MYRIP: variants seen among roughly 807,000 people sequenced by gnomAD.
MYRIP encodes the protein rab effector MyRIP.
Under a neutral mutation model 98.0 loss-of-function variants are expected in MYRIP, and 49 were observed. The observed-to-expected ratio is 0.50, with a 90% confidence interval of 0.40 to 0.63. The LOEUF is 0.63. Ranked by LOEUF, MYRIP falls within the 30% of genes least tolerant of loss-of-function variation. The pLI is 0.00. For missense variants in MYRIP, 1,004 were observed against 1,058.2 expected (o/e 0.95, Z 0.71); for synonymous variants, 404 against 409.5 (o/e 0.99, Z 0.16).
At chr3:39,941,078 A>G (rs1479820840) in intron 2 of MYRIP, among the ~76,000 whole-genome samples, 1 of 152,114 alleles carries the variant, frequency 6.6e-6, no homozygotes, top group Non-Finnish European at 1.5e-5. Flanking sequence ...GGGTCACTAT[A>G]TGTGTATGTG....
chr3:40,089,844 C>T (rs1225252260), intron 3 of MYRIP, among the ~76,000 whole-genome samples: 1 of 152,014 alleles, frequency 6.6e-6, no homozygotes, highest in African/African-American at 2.4e-5. Flanking sequence ...TTTTCTTCTC[C>T]AAAATTACGT....
In MYRIP at chr3:40,039,459, A is replaced by G. The variant is rs75458731; in HGVS notation, c.111-4591A>G. 3.5e-3 allele frequency among the ~76,000 whole-genome samples: 527 copies of G among 152,256 alleles called. 2 individuals are homozygous for G. Among genetic ancestry groups the G allele is most frequent in the African/African-American group, 0.012 (506 of 41,560 alleles). On this transcript the variant is annotated intron_variant, in intron 2 of 16. Coordinates refer to ENST00000302541, the MANE Select transcript of MYRIP (RefSeq NM_015460.4). ...GAGAATATTTCAAGAATGTAAGAAT[A>G]ATCAGGTAAGACAAGGCCTAGAAAG... is the stretch of plus-strand genomic sequence containing the variant.
chr3:40,167,268 G>C (rs754005427), intron 7 of MYRIP, 29 bp downstream of exon 7: 1 of 1,605,260 alleles, frequency 6.2e-7, no homozygotes, highest in Non-Finnish European at 8.5e-7. Flanking sequence ...TGGGATGGCT[G>C]CAGTTTCCTG....
intron 1 of MYRIP, among the ~76,000 whole-genome samples, chr3:39,823,689 T>A (rs1481426989): frequency 2.6e-5 from 4 of 152,180 alleles, no homozygotes; most frequent in South Asian, 2.1e-4. Context: ...TGCCTTCTTT[T>A]TAATGGGATT....
At position 39,875,910 on chromosome 3, in the gene MYRIP, C is replaced by T. The variant is rs530446304; in HGVS notation, c.-30-24877C>T. On this transcript the variant is annotated intron_variant, in intron 1 of 16. Transcript: ENST00000302541. Reference sequence around the variant, plus strand: ...CTGGGTATCCTTGTTGACTTTCTGTCTTGTTGATCTGTCTAATGTTGACAG... The same window carrying T: ...CTGGGTATCCTTGTTGACTTTCTGTTTTGTTGATCTGTCTAATGTTGACAG... Among the ~76,000 whole-genome samples, 13 of 152,054 alleles carry T rather than the reference C, an allele frequency of 8.5e-5. 1 individual carries two copies. In the South Asian group the frequency reaches 2.7e-3, roughly 32 times the overall value.
chr3:40,200,587 T>C (rs1372086283), intron 10 of MYRIP, among the ~76,000 whole-genome samples: 4 of 152,210 alleles, frequency 2.6e-5, no homozygotes, highest in African/African-American at 9.6e-5. Context: ...TTTAGGTAGA[T>C]ATTAAATAGC....
intron 3 of MYRIP, among the ~76,000 whole-genome samples, chr3:40,077,026 C>T (rs1363262629): frequency 2.0e-5 from 3 of 152,080 alleles, no homozygotes; most frequent in African/African-American, 2.4e-5. Context: ...AGAATGAAGC[C>T]GTGGACCCTT....
rs1953693987 is a variant in MYRIP at position 40,259,172 on chromosome 3, A to C, written c.*1006A>C. The C allele has an allele frequency of 6.6e-6, 1 of 152,248 alleles. No individual in the cohort carries two copies. Among genetic ancestry groups the C allele is most frequent in the African/African-American group, 2.4e-5 (1 of 41,468 alleles). 9.4% of individuals were successfully genotyped at this position (152,248 alleles called of 1,614,324 possible). A position where few individuals can be genotyped will look rare whatever the true frequency, so the allele number is the denominator to read the frequency against. ...CTTAGAAAATTTATAGGTATAAAAAATTCAAGGACAAACTGTGCATTTAAT... is the reference window on the plus strand; with the variant it reads ...CTTAGAAAATTTATAGGTATAAAAACTTCAAGGACAAACTGTGCATTTAAT... On this transcript the variant is annotated 3_prime_UTR_variant, in exon 17 of 17. Coordinates refer to ENST00000302541, the MANE Select transcript of MYRIP (RefSeq NM_015460.4).
intron 8 of MYRIP, among the ~76,000 whole-genome samples, chr3:40,181,612 C>G (rs755955317): frequency 3.3e-5 from 5 of 152,096 alleles, no homozygotes; most frequent in Non-Finnish European, 7.4e-5. Context: ...TAGTCTCTTT[C>G]TATTTGATAA....
intron 8 of MYRIP, among the ~76,000 whole-genome samples, chr3:40,180,090 G>A (rs757973955): frequency 5.3e-5 from 8 of 152,124 alleles, no homozygotes; most frequent in Non-Finnish European, 1.0e-4. Flanking sequence ...CTGGACACTC[G>A]AGACAGGGTC....
Position 40,237,477 on chromosome 3 carries a change from C to G in MYRIP, c.2100+3424C>G, listed in dbSNP as rs547585741. ...CAAATATTAGGCGTTTGGGGCAGGG[C>G]AAAATCACCCCCAGACTGGGAATGA... On this transcript the variant is annotated intron_variant, in intron 12 of 16. Transcript: ENST00000302541. Among the ~76,000 whole-genome samples, 354 of 152,258 alleles carry G rather than the reference C, an allele frequency of 2.3e-3. 1 individual carries two copies. Among genetic ancestry groups the G allele is most frequent in the African/African-American group, 6.7e-3 (277 of 41,552 alleles).
intron 3 of MYRIP, among the ~76,000 whole-genome samples, chr3:40,103,914 C>T (rs1032611657): frequency 6.6e-6 from 1 of 152,082 alleles, no homozygotes; most frequent in African/African-American, 2.4e-5. Context: ...AAAAAAATTT[C>T]TAGAATGTTG....
intron 2 of MYRIP, among the ~76,000 whole-genome samples, chr3:39,970,569 A>C (rs1480502972): frequency 2.0e-5 from 3 of 152,162 alleles, no homozygotes; most frequent in Non-Finnish European, 4.4e-5. Context: ...TTTGCCAGAC[A>C]TAAAAACAAA....
chr3:39,997,791 T>C (rs1043064584), intron 2 of MYRIP, among the ~76,000 whole-genome samples: 9 of 152,004 alleles, frequency 5.9e-5, no homozygotes, highest in African/African-American at 2.2e-4. Flanking sequence ...CATGATAAAA[T>C]ACTGGCAAAC....
rs11293642 is a variant in MYRIP, at chr3:39,815,887, GTT to G, written c.-31+5983_-31+5984del. On this transcript the variant is annotated intron_variant, in intron 1 of 16. Transcript: ENST00000302541. ...TGTATACTTTTGGTATTCTAATAGC[GTT>G]TTTTTTTTTTTCAATTATGCTTATG... 1.8e-3 allele frequency among the ~76,000 whole-genome samples: 239 copies of G among 134,004 alleles called. 1 individual carries two copies. Among genetic ancestry groups the G allele is most frequent in the African/African-American group, 4.2e-3 (153 of 36,274 alleles). 87.9% of individuals were successfully genotyped at this position (134,004 alleles called of 152,430 possible).
chr3:40,068,566 T>C (rs572477045), intron 3 of MYRIP, among the ~76,000 whole-genome samples: 8 of 152,320 alleles, frequency 5.3e-5, no homozygotes, highest in African/African-American at 1.9e-4. Flanking sequence ...AAATACTGTA[T>C]TCATTAATCT....
intron 1 of MYRIP, among the ~76,000 whole-genome samples, chr3:39,868,403 C>G (rs530229988): frequency 6.6e-6 from 1 of 152,062 alleles, no homozygotes; most frequent in Non-Finnish European, 1.5e-5. Context: ...TTTTTCTTTT[C>G]TCCTGCAACA....
intron 2 of MYRIP, among the ~76,000 whole-genome samples, chr3:40,007,387 G>A (rs376597830): frequency 2.7e-4 from 41 of 151,776 alleles, no homozygotes; most frequent in East Asian, 1.7e-3. Context: ...TAAAACAGGC[G>A]ATCCAATGAG....
At chr3:40,034,686 C>T (rs566530870) in intron 2 of MYRIP, among the ~76,000 whole-genome samples, 39 of 150,336 alleles carry the variant, frequency 2.6e-4, no homozygotes, top group African/African-American at 9.4e-4. Context: ...GGATCTAGAA[C>T]TAGAAATACC....
Sources: allele counts gnomAD v4.1 joint callset (sites outside exome capture counted in the v4.1 genomes callset), GRCh38; gene constraint gnomAD v4.1.1; transcripts MANE v1.5; gene names NCBI Gene and HGNC (gene_info 2026-07-23, HGNC 2026-07-21).